The following EXT2 variants were observed in gnomAD, a reference collection of about 807,000 sequenced individuals.
EXT2 encodes exostosin-2.
A neutral mutation model predicts 81.6 loss-of-function variants in EXT2; 53 were observed. The ratio of observed to expected loss-of-function variants is 0.65; its 90% CI spans 0.52 to 0.82. EXT2 has a LOEUF of 0.82. Ranked by LOEUF, EXT2 falls within the 40% of genes least tolerant of loss-of-function variation. EXT2 has a pLI of 0.00. For synonymous variants in EXT2, 320 were observed against 340.0 expected, an observed-to-expected ratio of 0.94 and a Z score of 0.65; for missense variants, 774 against 910.2, an observed-to-expected ratio of 0.85 and a Z score of 1.93.
intron 9 of EXT2, among the ~76,000 whole-genome samples, chr11:44,201,201 GC>G (rs1955518322): frequency 6.6e-6 from 1 of 152,156 alleles, no homozygotes; most frequent in African/African-American, 2.4e-5. Context: ...CCCCATTTAG[GC>G]TAAGCAATAG....
chr11:44,227,346 A>G (rs1955849055), intron 10 of EXT2, among the ~76,000 whole-genome samples: 1 of 152,382 alleles, frequency 6.6e-6, no homozygotes, highest in East Asian at 1.9e-4. Context: ...GAAACTTACA[A>G]CTTGAAACAG....
chr11:44,200,154 A>T lies in EXT2; in HGVS notation c.1495+2136A>T, dbSNP rs1020636567. ...AGCATTAGTAACATATATATTATAA[A>T]AAAAAAAAAAAGCAAGTCCAAGTCT... On this transcript the variant is annotated intron_variant, in intron 9 of 13. Coordinates refer to ENST00000533608, the MANE Select transcript of EXT2 (RefSeq NM_207122.2). Among the ~76,000 whole-genome samples the T allele has an allele frequency of 1.1e-4, 16 of 151,548 alleles. No homozygotes were observed. In the East Asian group the frequency reaches 2.7e-3, roughly 26 times the overall value.
chr11:44,219,821 C>G (rs1307615346), intron 10 of EXT2, among the ~76,000 whole-genome samples: 1 of 152,188 alleles, frequency 6.6e-6, no homozygotes, highest in African/African-American at 2.4e-5. Context: ...GGGGGCATCC[C>G]TAACAGAGGA....
At chr11:44,114,893 A>T (rs571833344) in intron 4 of EXT2, among the ~76,000 whole-genome samples, 7 of 152,314 alleles carry the variant, frequency 4.6e-5, no homozygotes, top group African/African-American at 1.7e-4. Flanking sequence ...AGTTCCTAGA[A>T]CAAGCTGTGC....
chr11:44,166,081 C>T (rs892037088), intron 7 of EXT2, among the ~76,000 whole-genome samples: 2 of 152,178 alleles, frequency 1.3e-5, no homozygotes, highest in African/African-American at 4.8e-5. Flanking sequence ...TGCAAGGATG[C>T]TGATTTTTAA....
At chr11:44,198,175 G>C (rs1955481234) in intron 9 of EXT2, 157 bp downstream of exon 9, 4 of 794,096 alleles carry the variant, frequency 5.0e-6, no homozygotes, top group African/African-American at 1.7e-5. Context: ...TCTTGTTCTA[G>C]GGTGGCCCAT....
chr11:44,198,898 A>G (rs1321396707), intron 9 of EXT2, among the ~76,000 whole-genome samples: 1 of 152,212 alleles, frequency 6.6e-6, no homozygotes, highest in African/African-American at 2.4e-5. Context: ...TAGTAGATCT[A>G]TAGTCTAGGC....
At chr11:44,122,493 A>G (rs1954332962) in intron 4 of EXT2, among the ~76,000 whole-genome samples, 1 of 152,250 alleles carries the variant, frequency 6.6e-6, no homozygotes, top group Non-Finnish European at 1.5e-5. Context: ...CTGAAAATTA[A>G]TACTTTTACA....
chr11:44,220,778 A>G lies in EXT2; in HGVS notation c.1663-11575A>G, dbSNP rs1246926188. Reference sequence around the variant, plus strand: ...AATAGTTCATGTGTGCCACGGCTGCAGCAAGTGCTGCTGAAAGAAGATCCC... The same window carrying G: ...AATAGTTCATGTGTGCCACGGCTGCGGCAAGTGCTGCTGAAAGAAGATCCC... On this transcript the variant is annotated intron_variant, in intron 10 of 13. Transcript: ENST00000533608. The surrounding 1 kb of genome is among the most constrained non-coding windows in gnomAD (Gnocchi z 4.4). Among the ~76,000 whole-genome samples the G allele has an allele frequency of 6.6e-6, 1 of 152,220 alleles. No homozygotes were observed. The highest frequency in any genetic ancestry group is 6.5e-5 in the Admixed American group (1 of 15,278).
intron 13 of EXT2, among the ~76,000 whole-genome samples, chr11:44,239,724 A>G (rs1956014245): frequency 8.3e-6 from 1 of 120,614 alleles, no homozygotes; most frequent in Non-Finnish European, 1.7e-5. Context: ...TTGGAAGACC[A>G]GAGTTTTATT....
intron 8 of EXT2, among the ~76,000 whole-genome samples, chr11:44,186,663 G>A (rs1004673838): frequency 6.6e-6 from 1 of 152,168 alleles, no homozygotes; most frequent in Non-Finnish European, 1.5e-5. Flanking sequence ...ATTCAAATGG[G>A]TTTAACCTGT....
intron 7 of EXT2, among the ~76,000 whole-genome samples, chr11:44,160,141 G>A (rs78480260): frequency 3.4e-4 from 52 of 152,300 alleles, no homozygotes; most frequent in African/African-American, 1.3e-3. Context: ...CTGGAAGTGT[G>A]GGGATGCCCC....
intron 7 of EXT2, among the ~76,000 whole-genome samples, chr11:44,163,801 C>T (rs1954957835): frequency 6.6e-6 from 1 of 152,160 alleles, no homozygotes; most frequent in Admixed American, 6.5e-5. Flanking sequence ...TCTTAAACTT[C>T]TTGAGGGAGC....
intron 7 of EXT2, among the ~76,000 whole-genome samples, chr11:44,130,484 G>A (rs1954476265): frequency 6.6e-6 from 1 of 152,200 alleles, no homozygotes; most frequent in Admixed American, 6.5e-5. Context: ...CAATACTTCT[G>A]TGTAGCTATT....
chr11:44,110,787 T>C (rs1028076655), intron 3 of EXT2, among the ~76,000 whole-genome samples: 1 of 152,202 alleles, frequency 6.6e-6, no homozygotes, highest in African/African-American at 2.4e-5. Flanking sequence ...TGCCAGTGTT[T>C]AGGTGTTAGG....
At chr11:44,164,606 T>C (rs921272353) in intron 7 of EXT2, among the ~76,000 whole-genome samples, 2 of 152,248 alleles carry the variant, frequency 1.3e-5, no homozygotes, top group Non-Finnish European at 2.9e-5. Flanking sequence ...ATGATGGTTT[T>C]AAGCTGGCCC....
At chr11:44,214,156 C>T (rs1015403195) in intron 10 of EXT2, among the ~76,000 whole-genome samples, 4 of 152,108 alleles carry the variant, frequency 2.6e-5, no homozygotes, top group South Asian at 2.1e-4. Context: ...CTCTGTCGCC[C>T]AGGCTGTAGT....
intron 8 of EXT2, among the ~76,000 whole-genome samples, chr11:44,186,249 A>G (rs147392674): frequency 2.6e-5 from 4 of 152,362 alleles, no homozygotes; most frequent in Non-Finnish European, 4.4e-5. Flanking sequence ...CAATCATACT[A>G]TAGATATATT....
chr11:44,244,405 T>G lies in EXT2; in HGVS notation c.*118T>G. ...GGTGGAAGGTTGACCTACTTGGATCTTGGCATGCACCCACCTAACCCACTT... is the reference window on the plus strand; with the variant it reads ...GGTGGAAGGTTGACCTACTTGGATCGTGGCATGCACCCACCTAACCCACTT... On this transcript the variant is annotated 3_prime_UTR_variant, in exon 14 of 14. Coordinates refer to ENST00000533608, the MANE Select transcript of EXT2 (RefSeq NM_207122.2). 1 of 1,130,026 alleles carries G rather than the reference T, an allele frequency of 8.8e-7. No homozygotes were observed. Among genetic ancestry groups the G allele is most frequent in the South Asian group, 1.3e-5 (1 of 77,900 alleles). 70.0% of individuals were successfully genotyped at this position (1,130,026 alleles called of 1,614,324 possible). A position where few individuals can be genotyped will look rare whatever the true frequency, so the allele number is the denominator to read the frequency against.
Sources: gnomAD v4.1 joint callset for allele counts (sites outside exome capture counted in the v4.1 genomes callset) on GRCh38, gnomAD v4.1.1 for gene constraint, Gnocchi (gnomAD v3.1) non-coding constraint, MANE v1.5 for transcripts, NCBI Gene and HGNC (gene_info 2026-07-23, HGNC 2026-07-21) for gene names.